Variants in CCN4 observed in about 807,000 individuals in gnomAD.
CCN4 encodes the protein cellular communication network factor 4, also known as CCN family member 4.
CCN4 carries 30 observed loss-of-function variants against 36.7 expected under a neutral mutation model. The observed-to-expected ratio is 0.82, with a 90% CI of 0.61 to 1.11. CCN4 has a LOEUF of 1.11. Among genes scored for constraint, CCN4 ranks in the 50% least tolerant of loss-of-function variants. The pLI, the probability that CCN4 is intolerant of heterozygous loss-of-function variation, is 0.00. For missense variants in CCN4, 505 were observed against 504.9 expected, an observed-to-expected ratio of 1.00 and a Z score of 0.00; for synonymous variants, 191 against 195.4, an observed-to-expected ratio of 0.98 and a Z score of 0.19.
chr8:133,222,736 C>A (rs559833676), intron 3 of CCN4, among the ~76,000 whole-genome samples: 1 of 151,214 alleles, frequency 6.6e-6, no homozygotes. Context: ...AAAGTGCTTA[C>A]GAGGCAAGCA....
intron 2 of CCN4, among the ~76,000 whole-genome samples, chr8:133,219,419 G>C (rs1854438134): frequency 6.6e-6 from 1 of 152,062 alleles, no homozygotes; most frequent in African/African-American, 2.4e-5. Context: ...TTCAGGCTTT[G>C]CTGAGCGTCA....
At chr8:133,217,052 C>G (rs1854344157) in intron 2 of CCN4, among the ~76,000 whole-genome samples, 1 of 152,190 alleles carries the variant, frequency 6.6e-6, no homozygotes, top group African/African-American at 2.4e-5. Flanking sequence ...CATCATCACT[C>G]ACTATTACTA....
chr8:133,227,830 T>A lies in CCN4; in HGVS notation c.*120T>A, dbSNP rs1029122982. 1 of 1,128,894 alleles carries A rather than the reference T, an allele frequency of 8.9e-7. No homozygotes were observed. The highest frequency in any genetic ancestry group is 1.2e-6 in the Non-Finnish European group (1 of 808,616). The allele number at this position is 1,128,894 out of a possible 1,614,324, so 69.9% of individuals were successfully genotyped here. ...CCCTGATCTGGACCCTTGGCCTCCA[T>A]TTCTGTCTCTAACCATTCAAATGAC... On this transcript the variant is annotated 3_prime_UTR_variant, in exon 5 of 5. Transcript: ENST00000250160.
chr8:133,222,506 A>G (rs908177961), intron 3 of CCN4, among the ~76,000 whole-genome samples: 1 of 151,676 alleles, frequency 6.6e-6, no homozygotes, highest in Admixed American at 6.6e-5. Flanking sequence ...CTCTGAAGTC[A>G]TCTGCTTGGA....
intron 1 of CCN4, among the ~76,000 whole-genome samples, chr8:133,194,464 G>A (rs1285745316): frequency 6.3e-5 from 5 of 79,700 alleles, no homozygotes; most frequent in Admixed American, 2.3e-4. Context: ...GTATGTGTGT[G>A]GGGTGTGTGT....
chr8:133,225,392 G>C lies in CCN4; in HGVS notation c.613G>C (p.Ala205Pro), dbSNP rs35513885. The change falls in exon 4 of 5, where the codon GCT (alanine) becomes CCT (proline). Residue 205 changes from alanine to proline, a missense_variant and splice_region_variant. Ala to Pro is a conservative substitution (Grantham distance 27). Transcript: ENST00000250160. ...TAPRDTGAFDAVGEVEAWHRN... is the reference protein window; with the variant it reads ...TAPRDTGAFDPVGEVEAWHRN... ...CAGATTCTGTTCCCCACACACAGAT[G>C]CTGTGGGTGAGGTGGAGGCATGGCA... is the stretch of plus-strand genomic sequence containing the variant. 1.3e-6 allele frequency: 2 copies of C among 1,596,950 alleles called. No homozygotes were observed. Among genetic ancestry groups the C allele is most frequent in the Non-Finnish European group, 1.7e-6 (2 of 1,168,778 alleles).
chr8:133,213,643 C>T (rs1168711486), intron 2 of CCN4, among the ~76,000 whole-genome samples: 1 of 149,808 alleles, frequency 6.7e-6, no homozygotes, highest in Non-Finnish European at 1.5e-5. Context: ...ACTTCAGTCA[C>T]TTAAATTTTC....
chr8:133,202,321 A>G (rs1264524754), intron 1 of CCN4, among the ~76,000 whole-genome samples: 1 of 152,138 alleles, frequency 6.6e-6, no homozygotes, highest in Admixed American at 6.5e-5. Context: ...CTTGGGCTGT[A>G]GTTTTTGACC....
At chr8:133,223,512 C>A (rs1457668016) in intron 3 of CCN4, among the ~76,000 whole-genome samples, 1 of 152,166 alleles carries the variant, frequency 6.6e-6, no homozygotes, top group Non-Finnish European at 1.5e-5. Flanking sequence ...AACTGACTTA[C>A]CTTTCCTCTT....
intron 1 of CCN4, among the ~76,000 whole-genome samples, chr8:133,200,154 G>A (rs2130539626): frequency 6.6e-6 from 1 of 152,300 alleles, no homozygotes; most frequent in South Asian, 2.1e-4. Context: ...GTGGAGGGAG[G>A]ACAGATAGAC....
At position 133,229,478 on chromosome 8, in the gene CCN4, G is replaced by A. The variant is rs563454458; in HGVS notation, c.*1768G>A. ...TGTAGCTTATTCCCTCTTTCCCATC[G>A]GAACCAGCTCTCATCACACATTTAA... On this transcript the variant is annotated 3_prime_UTR_variant, in exon 5 of 5. Transcript: ENST00000250160. 4.6e-5 allele frequency: 7 copies of A among 152,210 alleles called. No homozygotes were observed. The highest frequency in any genetic ancestry group is 3.9e-4 in the East Asian group (2 of 5,182). The allele number at this position is 152,210 out of a possible 1,614,324, so 9.4% of individuals were successfully genotyped here. A position where few individuals can be genotyped will look rare whatever the true frequency, so the allele number is the denominator to read the frequency against.
In CCN4 at chr8:133,229,858, G is replaced by A. The variant is rs939893297; in HGVS notation, c.*2148G>A. Reference sequence around the variant, plus strand: ...TATGTATACATATATTTGTGTATGCGTATGCAAGAATTCTTGTATAAAGAG... The same window carrying A: ...TATGTATACATATATTTGTGTATGCATATGCAAGAATTCTTGTATAAAGAG... On this transcript the variant is annotated 3_prime_UTR_variant, in exon 5 of 5. Transcript: ENST00000250160. The A allele has an allele frequency of 1.4e-4, 22 of 152,324 alleles. No individual in the cohort carries two copies. Among genetic ancestry groups the A allele is most frequent in the African/African-American group, 4.3e-4 (18 of 41,576 alleles). The allele number at this position is 152,324 out of a possible 1,614,324, so 9.4% of individuals were successfully genotyped here.
At chr8:133,193,318 G>C (rs1853182077) in intron 1 of CCN4, among the ~76,000 whole-genome samples, 3 of 152,186 alleles carry the variant, frequency 2.0e-5, no homozygotes, top group Admixed American at 2.0e-4. Context: ...AGTTACAAGG[G>C]GGACTTCTCT....
chr8:133,221,977 GATGGATGA>G (rs1014818914), intron 3 of CCN4, among the ~76,000 whole-genome samples: 1 of 151,494 alleles, frequency 6.6e-6, no homozygotes, highest in African/African-American at 2.4e-5. Context: ...GGGACAGATG[GATGGATGA>G]ATGGATGGAT....
At chr8:133,218,326 C>A (rs573969323) in intron 2 of CCN4, among the ~76,000 whole-genome samples, 1 of 152,216 alleles carries the variant, frequency 6.6e-6, no homozygotes, top group Admixed American at 6.5e-5. Flanking sequence ...CTTTCTGCAC[C>A]TCCTGCACGG....
intron 1 of CCN4, among the ~76,000 whole-genome samples, chr8:133,207,243 C>T (rs1853813021): frequency 1.3e-5 from 2 of 152,254 alleles, no homozygotes; most frequent in Non-Finnish European, 2.9e-5. Flanking sequence ...AAGCTGAGTG[C>T]TCATGCACTA....
At chr8:133,220,278 G>A (rs558873813) in intron 2 of CCN4, among the ~76,000 whole-genome samples, 1 of 152,226 alleles carries the variant, frequency 6.6e-6, no homozygotes, top group South Asian at 2.1e-4. Context: ...GCCTGGTGCT[G>A]GGGACCCTGC....
In CCN4 at chr8:133,231,141, TA is replaced by T. The variant is rs1300112727; in HGVS notation, c.*3433del. 1.3e-5 allele frequency: 2 copies of T among 152,234 alleles called. No homozygotes were observed. The highest frequency in any genetic ancestry group is 2.9e-5 in the Non-Finnish European group (2 of 68,048). 9.4% of individuals were successfully genotyped at this position (152,234 alleles called of 1,614,324 possible). A position where few individuals can be genotyped will look rare whatever the true frequency, so the allele number is the denominator to read the frequency against. ...TAGATTCGAATGACATGATTGTCTA[TA>T]ATCTCGCTAGCCTTGTACTGTGTGT... On this transcript the variant is annotated 3_prime_UTR_variant, in exon 5 of 5. Transcript: ENST00000250160.
intron 1 of CCN4, among the ~76,000 whole-genome samples, chr8:133,207,211 G>C (rs909938845): frequency 5.3e-5 from 8 of 152,254 alleles, no homozygotes; most frequent in African/African-American, 1.9e-4. Flanking sequence ...CTTCAGCAAT[G>C]AGCATCATTT....
Sources: gnomAD v4.1 joint callset for allele counts (sites outside exome capture counted in the v4.1 genomes callset) on GRCh38, gnomAD v4.1.1 for gene constraint, MANE v1.5 for transcripts, NCBI Gene and HGNC (gene_info 2026-07-23, HGNC 2026-07-21) for gene names.